Variants in KIAA0825 observed in about 807,000 individuals in gnomAD.
KIAA0825 encodes the protein uncharacterized protein KIAA0825.
In KIAA0825, 119 loss-of-function variants were observed where a neutral mutation model predicts 147.6. That is an observed-to-expected ratio of 0.81 (90% CI 0.69 to 0.94). KIAA0825 has a LOEUF of 0.94. Among genes scored for constraint, KIAA0825 ranks in the 40% least tolerant of loss-of-function variants. The pLI is 0.00. For synonymous variants in KIAA0825, 470 were observed against 518.1 expected, an observed-to-expected ratio of 0.91 and a Z score of 1.26; for missense variants, 1,381 against 1,472.7, an observed-to-expected ratio of 0.94 and a Z score of 1.02.
intron 1 of KIAA0825, among the ~76,000 whole-genome samples, chr5:94,613,574 G>C (rs1172989772): frequency 2.0e-5 from 3 of 152,190 alleles, no homozygotes; most frequent in Non-Finnish European, 4.4e-5. Context: ...AGTCAAAAAG[G>C]CCAGGTGCAG....
At chr5:94,265,884 A>G (rs1776721299) in intron 20 of KIAA0825, among the ~76,000 whole-genome samples, 2 of 152,096 alleles carry the variant, frequency 1.3e-5, no homozygotes, top group African/African-American at 2.4e-5. Context: ...AACAAAATCA[A>G]TTTTATTGAA....
chr5:94,224,087 T>C (rs1344469179), intron 20 of KIAA0825, among the ~76,000 whole-genome samples: 14 of 106,544 alleles, frequency 1.3e-4, no homozygotes, highest in African/African-American at 5.3e-4. Flanking sequence ...CTTTTCTTTT[T>C]TTTTTTTTTT....
chr5:94,372,084 C>CT (rs1332610350), intron 20 of KIAA0825, among the ~76,000 whole-genome samples: 3 of 152,362 alleles, frequency 2.0e-5, no homozygotes, highest in Non-Finnish European at 4.4e-5. Context: ...GACTCCATGT[C>CT]TCACATCCAA....
At chr5:94,453,964 G>A (rs1302754796) in intron 12 of KIAA0825, among the ~76,000 whole-genome samples, 1 of 151,968 alleles carries the variant, frequency 6.6e-6, no homozygotes, top group Non-Finnish European at 1.5e-5. Flanking sequence ...TAAGGATCTA[G>A]AGAGGGCTTA....
intron 20 of KIAA0825, among the ~76,000 whole-genome samples, chr5:94,298,863 G>C (rs1033572274): frequency 6.6e-6 from 1 of 152,166 alleles, no homozygotes; most frequent in African/African-American, 2.4e-5. Context: ...GTAGTTCGTT[G>C]TCAAGATGTA....
intron 17 of KIAA0825, among the ~76,000 whole-genome samples, chr5:94,395,349 G>T (rs1474819829): frequency 1.1e-4 from 16 of 152,144 alleles, no homozygotes; most frequent in Non-Finnish European, 1.5e-5. Context: ...AAGAATGAGG[G>T]ACAGCATGTG....
intron 20 of KIAA0825, among the ~76,000 whole-genome samples, chr5:94,182,250 C>T (rs867808210): frequency 1.3e-3 from 49 of 38,236 alleles, no homozygotes; most frequent in Admixed American, 2.6e-3. Flanking sequence ...AATGTCCCTT[C>T]TTTTTTTTTT....
rs34013761 is a variant in KIAA0825 at position 94,282,939 on chromosome 5, AG to A, written c.3710+101428del. On this transcript the variant is annotated intron_variant, in intron 20 of 20. Transcript: ENST00000682413. Reference sequence around the variant, plus strand: ...TGTAAAAAATTCTGAGGGTGGAGAGAGGGCGTGCAAAATGAAGAAGTTAGCA... The same window carrying A: ...TGTAAAAAATTCTGAGGGTGGAGAGAGGCGTGCAAAATGAAGAAGTTAGCA... 2.1e-3 allele frequency among the ~76,000 whole-genome samples: 324 copies of A among 152,222 alleles called. 3 individuals carry two copies. The highest frequency in any genetic ancestry group is 7.6e-3 in the African/African-American group (317 of 41,590).
chr5:94,609,422 T>C (rs1490764580), intron 1 of KIAA0825, among the ~76,000 whole-genome samples: 1 of 152,132 alleles, frequency 6.6e-6, no homozygotes, highest in Non-Finnish European at 1.5e-5. Flanking sequence ...TCAAAAATAT[T>C]TCATTTTAAT....
At chr5:94,419,761 T>A (rs943157763) in intron 14 of KIAA0825, among the ~76,000 whole-genome samples, 1 of 152,168 alleles carries the variant, frequency 6.6e-6, no homozygotes, top group East Asian at 1.9e-4. Flanking sequence ...GACAAGTAAA[T>A]AATTATTACC....
intron 20 of KIAA0825, among the ~76,000 whole-genome samples, chr5:94,159,550 A>G (rs78355646): frequency 0.042 from 6,378 of 152,224 alleles, 429 homozygotes; most frequent in African/African-American, 0.15. Flanking sequence ...CTATCAATCA[A>G]TCAATAATAT....
Position 94,537,133 on chromosome 5 carries a change from G to T in KIAA0825, c.-1-6C>A. The stretch of plus-strand genomic sequence containing the variant: ...ATTCATCATCCCAATCCATTCTGAG[G>T]AGCAAGAATAAATAATAAAACATGT... On this transcript the variant is annotated splice_region_variant and splice_polypyrimidine_tract_variant and intron_variant, in intron 2 of 20. Transcript: ENST00000682413. 1 of 1,598,452 alleles carries T rather than the reference G, an allele frequency of 6.3e-7. No individual in the cohort carries two copies. Among genetic ancestry groups the T allele is most frequent in the South Asian group, 1.1e-5 (1 of 87,650 alleles).
At chr5:94,279,165 C>T (rs1777350735) in intron 20 of KIAA0825, among the ~76,000 whole-genome samples, 1 of 151,906 alleles carries the variant, frequency 6.6e-6, no homozygotes, top group South Asian at 2.1e-4. Flanking sequence ...CTCATATATT[C>T]TTAAATAAGT....
intron 5 of KIAA0825, among the ~76,000 whole-genome samples, chr5:94,501,193 T>A (rs901793037): frequency 8.5e-5 from 13 of 152,266 alleles, no homozygotes; most frequent in African/African-American, 2.9e-4. Context: ...CCATTTGCTA[T>A]ATATTGATGT....
chr5:94,232,882 T>C (rs1457393986), intron 20 of KIAA0825, among the ~76,000 whole-genome samples: 1 of 152,128 alleles, frequency 6.6e-6, no homozygotes, highest in Admixed American at 6.5e-5. Context: ...AAGTACAAGA[T>C]TTTTTCCCTT....
chr5:94,227,162 G>C (rs1199482251), intron 20 of KIAA0825, among the ~76,000 whole-genome samples: 2 of 152,184 alleles, frequency 1.3e-5, no homozygotes, highest in Non-Finnish European at 2.9e-5. Context: ...GTCCAACAAT[G>C]ATAGACTGGA....
chr5:94,342,254 T>A (rs1035122752), intron 20 of KIAA0825, among the ~76,000 whole-genome samples: 9 of 151,936 alleles, frequency 5.9e-5, no homozygotes, highest in African/African-American at 1.9e-4. Flanking sequence ...TAAAAAAAAT[T>A]TTTTTAGTAA....
At chr5:94,544,376 ACTT>A (rs1358728856) in intron 2 of KIAA0825, among the ~76,000 whole-genome samples, 1 of 152,158 alleles carries the variant, frequency 6.6e-6, no homozygotes, top group Non-Finnish European at 1.5e-5. Flanking sequence ...GCTCATAAAC[ACTT>A]CTTCAGAGCC....
At chr5:94,510,965 C>A (rs1242533101) in intron 5 of KIAA0825, among the ~76,000 whole-genome samples, 5 of 152,152 alleles carry the variant, frequency 3.3e-5, no homozygotes, top group Non-Finnish European at 7.3e-5. Context: ...CTCCAAAATT[C>A]TTATGTTAAA....
Sources: allele counts gnomAD v4.1 joint callset (sites outside exome capture counted in the v4.1 genomes callset), GRCh38; gene constraint gnomAD v4.1.1; transcripts MANE v1.5; gene names NCBI Gene and HGNC (gene_info 2026-07-23, HGNC 2026-07-21).